LRBA: variants seen among roughly 807,000 people sequenced by gnomAD.
LRBA encodes lipopolysaccharide-responsive and beige-like anchor protein.
Under a neutral mutation model 330.0 loss-of-function variants are expected in LRBA, and 176 were observed. That is an observed-to-expected ratio of 0.53 (90% CI 0.47 to 0.60). LRBA has a LOEUF of 0.60. Ranked by LOEUF, LRBA falls within the 20% of genes least tolerant of loss-of-function variation. The pLI, the probability that LRBA is intolerant of heterozygous loss-of-function variation, is 0.00. For missense variants in LRBA, 3,259 were observed against 3,444.8 expected (o/e 0.95, Z 1.35); for synonymous variants, 1,230 against 1,193.0 (o/e 1.03, Z -0.64).
intron 56 of LRBA, among the ~76,000 whole-genome samples, chr4:150,268,576 GA>G (rs1745662807): frequency 1.3e-5 from 2 of 152,262 alleles, no homozygotes; most frequent in Admixed American, 1.3e-4. Flanking sequence ...TTCATTCTGG[GA>G]ATGCAAGGAT....
intron 31 of LRBA, among the ~76,000 whole-genome samples, chr4:150,812,701 T>C (rs1432949893): frequency 6.6e-6 from 1 of 152,302 alleles, no homozygotes; most frequent in East Asian, 1.9e-4. Context: ...ATAATGTATA[T>C]GGCTCTGATA....
chr4:150,523,133 G>A (rs776598231), intron 40 of LRBA, among the ~76,000 whole-genome samples: 5 of 152,216 alleles, frequency 3.3e-5, no homozygotes, highest in Non-Finnish European at 5.9e-5. Flanking sequence ...TTTTGAGCTA[G>A]AAGGAGTTAA....
At chr4:150,868,047 T>A in intron 21 of LRBA, 135 bp downstream of exon 21, 2 of 987,278 alleles carry the variant, frequency 2.0e-6, no homozygotes, top group South Asian at 1.9e-5. Context: ...ATGTGGTACA[T>A]TATTTACATA....
At chr4:150,594,659 CTAACT>C (rs1773289923) in intron 38 of LRBA, among the ~76,000 whole-genome samples, 2 of 151,738 alleles carry the variant, frequency 1.3e-5, no homozygotes, top group African/African-American at 4.8e-5. Flanking sequence ...AATATTTATC[CTAACT>C]TAATACTTAA....
At chr4:150,587,258 A>G (rs1179517796) in intron 40 of LRBA, among the ~76,000 whole-genome samples, 2 of 152,200 alleles carry the variant, frequency 1.3e-5, no homozygotes, top group East Asian at 1.9e-4. Flanking sequence ...AACTCAAAAT[A>G]TGTGTATGTA....
chr4:150,314,222 A>G (rs1731436482), intron 51 of LRBA, among the ~76,000 whole-genome samples: 1 of 152,104 alleles, frequency 6.6e-6, no homozygotes, highest in Non-Finnish European at 1.5e-5. Flanking sequence ...GCTTTAAATG[A>G]CTCAGCAAAT....
chr4:150,834,588 C>T (rs905879034), intron 28 of LRBA, among the ~76,000 whole-genome samples: 1 of 152,120 alleles, frequency 6.6e-6, no homozygotes, highest in East Asian at 1.9e-4. Flanking sequence ...TAAGCAGATG[C>T]GCTCTTATCT....
chr4:150,771,517 G>C (rs941159553), intron 34 of LRBA, among the ~76,000 whole-genome samples: 2 of 152,178 alleles, frequency 1.3e-5, no homozygotes, highest in African/African-American at 4.8e-5. Context: ...ACAGATGGTA[G>C]TCTGGGCAGA....
rs186993252 is a variant in LRBA at position 150,816,329 on chromosome 4, G to C, written c.5305+795C>G. Among the ~76,000 whole-genome samples the C allele has an allele frequency of 3.9e-5, 6 of 151,934 alleles. No individual in the cohort carries two copies. In the South Asian group the frequency reaches 6.2e-4, roughly 16 times the overall value. On this transcript the variant is annotated intron_variant, in intron 31 of 56. Transcript: ENST00000651943. ...TACAATATCTTGTTATTAACTTTAA[G>C]AAACAGCAAAATATCCAGAAGAAAA...
intron 40 of LRBA, among the ~76,000 whole-genome samples, chr4:150,502,280 T>C (rs1410572708): frequency 6.6e-6 from 1 of 152,174 alleles, no homozygotes; most frequent in African/African-American, 2.4e-5. Flanking sequence ...TGGGGGAAAG[T>C]TAGCTCTAGA....
chr4:150,351,810 G>A (rs1341890785), intron 47 of LRBA, among the ~76,000 whole-genome samples: 1 of 152,172 alleles, frequency 6.6e-6, no homozygotes, highest in Non-Finnish European at 1.5e-5. Flanking sequence ...ATACCTATAT[G>A]TACTATGTTT....
At chr4:150,335,452 T>C (rs892136578) in intron 48 of LRBA, among the ~76,000 whole-genome samples, 6 of 143,608 alleles carry the variant, frequency 4.2e-5, no homozygotes, top group Non-Finnish European at 9.1e-5. Flanking sequence ...CACGTATATA[T>C]GTGTATATAT....
At chr4:150,803,244 A>C (rs1742002305) in intron 33 of LRBA, among the ~76,000 whole-genome samples, 1 of 151,684 alleles carries the variant, frequency 6.6e-6, no homozygotes, top group Non-Finnish European at 1.5e-5. Context: ...TGATTATGTA[A>C]GAAAATGTCT....
intron 28 of LRBA, among the ~76,000 whole-genome samples, chr4:150,841,663 T>C (rs565088891): frequency 6.6e-6 from 1 of 152,228 alleles, no homozygotes; most frequent in Admixed American, 6.5e-5. Flanking sequence ...TTTTTTATTT[T>C]ATTTTTTGAG....
chr4:150,370,410 C>A (rs563904322), intron 47 of LRBA, among the ~76,000 whole-genome samples: 1 of 152,146 alleles, frequency 6.6e-6, no homozygotes, highest in East Asian at 1.9e-4. Flanking sequence ...TAAATGCATG[C>A]TACTAAATGA....
intron 34 of LRBA, among the ~76,000 whole-genome samples, chr4:150,782,895 A>T (rs554416330): frequency 2.4e-4 from 34 of 143,352 alleles, no homozygotes; most frequent in South Asian, 9.2e-4. Context: ...TTTTTTTTTT[A>T]AATTTAGTGC....
chr4:150,899,232 T>C (rs1730453257), intron 14 of LRBA, among the ~76,000 whole-genome samples: 1 of 152,166 alleles, frequency 6.6e-6, no homozygotes, highest in African/African-American at 2.4e-5. Context: ...TCACTGGAAA[T>C]ACATTATATA....
At position 150,828,278 on chromosome 4, in the gene LRBA, A is replaced by G. The variant is rs753528906; in HGVS notation, c.5073T>C (p.Asp1691=). 5 of 1,614,172 alleles carry G rather than the reference A, an allele frequency of 3.1e-6. No homozygotes were observed. In the Admixed American group the frequency reaches 5.0e-5, roughly 16 times the overall value. ...GAAGGGCAGGATCCACTGTGACTCC[A>G]TCTGCTGGTATGTTAACCAAGCTTC... is the stretch of plus-strand genomic sequence containing the variant. ...ILRSLVNIPA[D]GVTVDPALLP... The change falls in exon 30 of 57, where the codon GAT becomes GAC. Residue 1691 remains aspartate (D), a synonymous_variant. Coordinates refer to ENST00000651943, the MANE Select transcript of LRBA (RefSeq NM_001364905.1).
intron 37 of LRBA, among the ~76,000 whole-genome samples, chr4:150,605,737 T>C (rs1774556345): frequency 6.6e-6 from 1 of 152,168 alleles, no homozygotes; most frequent in Non-Finnish European, 1.5e-5. Context: ...TATCATACAA[T>C]ATAAGAGAAT....
Sources: allele counts gnomAD v4.1 joint callset (sites outside exome capture counted in the v4.1 genomes callset), GRCh38; gene constraint gnomAD v4.1.1; transcripts MANE v1.5; gene names NCBI Gene and HGNC (gene_info 2026-07-23, HGNC 2026-07-21).